The following RAPGEF4 variants were observed in gnomAD, a reference collection of about 807,000 sequenced individuals.
RAPGEF4 encodes the protein Rap guanine nucleotide exchange factor 4.
A neutral mutation model predicts 147.9 loss-of-function variants in RAPGEF4; 66 were observed. The ratio of observed to expected loss-of-function variants is 0.45; its 90% confidence interval spans 0.37 to 0.55. The LOEUF is 0.55. RAPGEF4 is among the 20% of genes least tolerant of loss of function. The probability of loss-of-function intolerance (pLI) is 0.00; values close to 1 mark genes in which losing one functional copy is unlikely to be tolerated. For synonymous variants in RAPGEF4, 419 were observed against 442.7 expected (o/e 0.95, Z 0.67); for missense variants, 1,071 against 1,257.3 (o/e 0.85, Z 2.24).
chr2:172,857,174 G>GCACACA (rs34315927), intron 4 of RAPGEF4, among the ~76,000 whole-genome samples: 2,577 of 150,154 alleles, frequency 0.017, 48 homozygotes, highest in East Asian at 0.086. Context: ...GTGTGCGCGC[G>GCACACA]CACACACACA....
intron 4 of RAPGEF4, among the ~76,000 whole-genome samples, chr2:172,916,514 A>C (rs1438370258): frequency 1.3e-5 from 2 of 152,154 alleles, no homozygotes; most frequent in Non-Finnish European, 2.9e-5. Context: ...AAGAAAGAAG[A>C]GAATCAGAAT....
At chr2:172,942,722 T>C (rs1687292466) in intron 6 of RAPGEF4, among the ~76,000 whole-genome samples, 1 of 152,180 alleles carries the variant, frequency 6.6e-6, no homozygotes, top group African/African-American at 2.4e-5. Context: ...AGTTGCTACA[T>C]TTTTAAAGAG....
At chr2:172,937,691 G>C (rs1256461375) in intron 6 of RAPGEF4, among the ~76,000 whole-genome samples, 2 of 152,158 alleles carry the variant, frequency 1.3e-5, no homozygotes, top group Non-Finnish European at 2.9e-5. Flanking sequence ...CCACACTTAA[G>C]GAGCAAGGAG....
chr2:172,764,005 CTG>C (rs1170196232), intron 1 of RAPGEF4, among the ~76,000 whole-genome samples: 2 of 152,056 alleles, frequency 1.3e-5, no homozygotes, highest in Non-Finnish European at 2.9e-5. Flanking sequence ...AATCACAACA[CTG>C]TGGGAGACCG....
At chr2:172,801,116 C>T (rs577612583) in intron 3 of RAPGEF4, among the ~76,000 whole-genome samples, 1 of 152,252 alleles carries the variant, frequency 6.6e-6, no homozygotes, top group South Asian at 2.1e-4. Context: ...GAAAACAAGG[C>T]TCAGTGACAT....
intron 26 of RAPGEF4, among the ~76,000 whole-genome samples, chr2:173,032,690 A>C (rs1383545917): frequency 6.6e-6 from 1 of 152,186 alleles, no homozygotes; most frequent in East Asian, 1.9e-4. Flanking sequence ...CTAACTTGAA[A>C]TGCCAGAAAA....
At chr2:172,973,909 G>T (rs148414533) in intron 10 of RAPGEF4, among the ~76,000 whole-genome samples, 19 of 152,268 alleles carry the variant, frequency 1.2e-4, no homozygotes, top group African/African-American at 4.6e-4. Flanking sequence ...AGAGCTCTGG[G>T]TTCTATTCTT....
intron 4 of RAPGEF4, among the ~76,000 whole-genome samples, chr2:172,912,266 G>C (rs1683508895): frequency 6.6e-6 from 1 of 152,060 alleles, no homozygotes; most frequent in Non-Finnish European, 1.5e-5. Context: ...ATCTTAATAG[G>C]TTTCTTATGT....
chr2:172,886,124 C>T (rs1160757633), intron 4 of RAPGEF4, among the ~76,000 whole-genome samples: 2 of 152,180 alleles, frequency 1.3e-5, no homozygotes, highest in African/African-American at 4.8e-5. Flanking sequence ...TCCAGCCCAT[C>T]GATCTGGAGT....
rs749328932 is a variant in RAPGEF4, at chr2:173,026,688, C to T, written c.2370C>T (p.Cys790=). 2.0e-5 allele frequency: 32 copies of T among 1,613,612 alleles called. No homozygotes were observed. The highest frequency in any genetic ancestry group is 1.5e-4 in the Admixed American group (9 of 59,968). The change falls in exon 24 of 31, where the codon TGC becomes TGT. Residue 790 remains cysteine, a synonymous_variant. Coordinates refer to ENST00000397081, the MANE Select transcript of RAPGEF4 (RefSeq NM_007023.4). Reference sequence around the variant, plus strand: ...TTTATGATTGGGAACTCTTCAACTGCGTGCATGAGGTAAGATGCAGGATCA... The same window carrying T: ...TTTATGATTGGGAACTCTTCAACTGTGTGCATGAGGTAAGATGCAGGATCA... ...MTIYDWELFN[C]VHELELIYHT...
intron 30 of RAPGEF4, 58 bp from the exon 31 acceptor site, chr2:173,051,582 T>C (rs1054398343): frequency 2.7e-5 from 41 of 1,529,826 alleles, no homozygotes; most frequent in Middle Eastern, 1.7e-4. Context: ...AGAAGTAAGA[T>C]TGTATCTTAT....
At chr2:172,817,535 CA>C (rs1688621275) in intron 4 of RAPGEF4, among the ~76,000 whole-genome samples, 1 of 152,056 alleles carries the variant, frequency 6.6e-6, no homozygotes, top group African/African-American at 2.4e-5. Flanking sequence ...ACCCAAATAT[CA>C]AAAGGGAAGA....
intron 29 of RAPGEF4, among the ~76,000 whole-genome samples, chr2:173,043,104 T>C (rs1684967807): frequency 6.6e-6 from 1 of 152,124 alleles, no homozygotes; most frequent in African/African-American, 2.4e-5. Context: ...TTTCTGGATC[T>C]TGTGAAAAAA....
chr2:172,983,078 C>T (rs1025392230), intron 10 of RAPGEF4, among the ~76,000 whole-genome samples: 3 of 152,188 alleles, frequency 2.0e-5, no homozygotes, highest in African/African-American at 7.2e-5. Context: ...TACACAGGAT[C>T]TCAAGGAATT....
intron 1 of RAPGEF4, among the ~76,000 whole-genome samples, chr2:172,787,531 C>A (rs1685332000): frequency 6.6e-6 from 1 of 151,826 alleles, no homozygotes; most frequent in Non-Finnish European, 1.5e-5. Context: ...AAATAAGACC[C>A]AACTAGTATT....
chr2:172,994,983 C>T (rs1010797875), intron 15 of RAPGEF4, among the ~76,000 whole-genome samples: 1 of 152,134 alleles, frequency 6.6e-6, no homozygotes, highest in Non-Finnish European at 1.5e-5. Context: ...CAGCTGCCTT[C>T]CAGATAGACT....
intron 3 of RAPGEF4, among the ~76,000 whole-genome samples, chr2:172,809,844 G>C (rs1687857353): frequency 6.6e-6 from 1 of 152,130 alleles, no homozygotes; most frequent in South Asian, 2.1e-4. Context: ...TTAATTACCT[G>C]TTTGTGATTG....
chr2:173,030,366 G>A (rs1032857401), intron 26 of RAPGEF4, 112 bp downstream of exon 26: 1 of 839,902 alleles, frequency 1.2e-6, no homozygotes, highest in Admixed American at 2.3e-5. Flanking sequence ...CAATGGGAAA[G>A]GTGGGACACT....
At chr2:172,793,867 G>A (rs1257424449) in intron 1 of RAPGEF4, among the ~76,000 whole-genome samples, 1 of 152,146 alleles carries the variant, frequency 6.6e-6, no homozygotes, top group Non-Finnish European at 1.5e-5. Flanking sequence ...TGGGCATGGT[G>A]GCTCATGCCT....
Sources: gnomAD v4.1 joint callset for allele counts (sites outside exome capture counted in the v4.1 genomes callset) on GRCh38, gnomAD v4.1.1 for gene constraint, MANE v1.5 for transcripts, NCBI Gene and HGNC (gene_info 2026-07-23, HGNC 2026-07-21) for gene names.